Variants in SLC14A2 observed in about 807,000 individuals in gnomAD.
SLC14A2 encodes urea transporter 2.
Under a neutral mutation model 104.6 loss-of-function variants are expected in SLC14A2, and 91 were observed. The ratio of observed to expected loss-of-function variants is 0.87; its 90% CI spans 0.73 to 1.04. The LOEUF is 1.04. Among genes scored for constraint, SLC14A2 ranks in the 50% least tolerant of loss-of-function variants. SLC14A2 has a pLI of 0.00. For missense variants in SLC14A2, 1,189 were observed against 1,156.0 expected (o/e 1.03, Z -0.41); for synonymous variants, 476 against 466.4 (o/e 1.02, Z -0.27).
chr18:45,542,985 G>C (rs1473535050), intron 2 of SLC14A2, among the ~76,000 whole-genome samples: 2 of 151,802 alleles, frequency 1.3e-5, no homozygotes, highest in Non-Finnish European at 2.9e-5. Flanking sequence ...GTCTCACCTC[G>C]TTGCCCAGGC....
chr18:45,259,447 A>C (rs2084513454), intron 1 of SLC14A2, among the ~76,000 whole-genome samples: 1 of 152,236 alleles, frequency 6.6e-6, no homozygotes, highest in Non-Finnish European at 1.5e-5. Flanking sequence ...CATTTCACAT[A>C]AATGGCACCA....
At chr18:45,642,994 G>T in intron 8 of SLC14A2, 138 bp from the exon 9 acceptor site, 1 of 713,510 alleles carries the variant, frequency 1.4e-6, no homozygotes, top group East Asian at 2.6e-5. Flanking sequence ...CCAGCTGTCA[G>T]GGCATGGTGC....
chr18:45,628,014 AAAAAAAG>A (rs1391864944), intron 4 of SLC14A2, among the ~76,000 whole-genome samples: 7 of 151,384 alleles, frequency 4.6e-5, no homozygotes, highest in Admixed American at 1.3e-4. Flanking sequence ...AAAAAAAAAA[AAAAAAAG>A]AAAAGAAAAA....
chr18:45,601,592 C>T (rs2044792211), intron 2 of SLC14A2, among the ~76,000 whole-genome samples: 1 of 152,222 alleles, frequency 6.6e-6, no homozygotes, highest in Non-Finnish European at 1.5e-5. Context: ...GTTTTTCTTT[C>T]CCCTCTATCT....
chr18:45,355,170 C>T (rs896664858), intron 1 of SLC14A2, among the ~76,000 whole-genome samples: 23 of 152,064 alleles, frequency 1.5e-4, no homozygotes, highest in African/African-American at 5.6e-4. Flanking sequence ...CATAATTGAC[C>T]TTTCGCAAGG....
intron 2 of SLC14A2, among the ~76,000 whole-genome samples, chr18:45,561,368 G>T (rs2044199160): frequency 6.6e-6 from 1 of 152,172 alleles, no homozygotes; most frequent in Non-Finnish European, 1.5e-5. Flanking sequence ...GAAGCTCTCT[G>T]CAAGAGAGTG....
chr18:45,196,688 A>C, the SLC14A2 span, among the ~76,000 whole-genome samples: 1 of 152,208 alleles, frequency 6.6e-6, no homozygotes, highest in Non-Finnish European at 1.5e-5. Flanking sequence ...AGCCCAAGCC[A>C]GAAGAGTGAA....
the SLC14A2 span, among the ~76,000 whole-genome samples, chr18:45,189,894 C>T: frequency 1.3e-5 from 2 of 152,066 alleles, no homozygotes; most frequent in Non-Finnish European, 2.9e-5. Flanking sequence ...GCAGTCCCAT[C>T]CTAGTTTACA....
intron 1 of SLC14A2, among the ~76,000 whole-genome samples, chr18:45,285,898 A>G (rs1405397600): frequency 6.6e-6 from 1 of 152,092 alleles, no homozygotes; most frequent in East Asian, 1.9e-4. Flanking sequence ...GCTTCCCATT[A>G]TAGTCACCTG....
chr18:45,403,759 G>GATGAATGAATGAATGAATGAATGAATGA (rs57905800), intron 1 of SLC14A2, among the ~76,000 whole-genome samples: 2 of 135,096 alleles, frequency 1.5e-5, no homozygotes, highest in Non-Finnish European at 3.1e-5. Flanking sequence ...TTTAATCAGT[G>GATGAATGAATGAATGAATGAATGAATGA]ATGAATGAAT....
intron 2 of SLC14A2, among the ~76,000 whole-genome samples, chr18:45,534,246 C>G (rs1030399473): frequency 2.6e-5 from 4 of 152,042 alleles, no homozygotes; most frequent in Non-Finnish European, 5.9e-5. Context: ...CATTTCCTTA[C>G]AAGCCTTCAC....
intron 10 of SLC14A2, among the ~76,000 whole-genome samples, chr18:45,660,970 G>A (rs2045926873): frequency 6.6e-6 from 1 of 152,330 alleles, no homozygotes; most frequent in Admixed American, 6.5e-5. Context: ...CACATCGTGA[G>A]GAGCTGCTGC....
the SLC14A2 span, among the ~76,000 whole-genome samples, chr18:45,172,731 C>T: frequency 6.6e-6 from 1 of 152,104 alleles, no homozygotes; most frequent in African/African-American, 2.4e-5. Flanking sequence ...ACGACAAAAT[C>T]CTACTTCTGT....
intron 1 of SLC14A2, among the ~76,000 whole-genome samples, chr18:45,445,104 T>C (rs1046234739): frequency 2.2e-5 from 3 of 135,070 alleles, no homozygotes; most frequent in Non-Finnish European, 4.6e-5. Flanking sequence ...CAAATTGACA[T>C]GCTTTTTTTT....
At chr18:45,635,764 A>G (rs1225195299) in intron 5 of SLC14A2, among the ~76,000 whole-genome samples, 5 of 152,238 alleles carry the variant, frequency 3.3e-5, no homozygotes, top group Admixed American at 3.3e-4. Flanking sequence ...AGAGCATGTT[A>G]TATCCTGATG....
At chr18:45,515,977 G>A (rs1174827517) in intron 2 of SLC14A2, among the ~76,000 whole-genome samples, 1 of 152,202 alleles carries the variant, frequency 6.6e-6, no homozygotes, top group Admixed American at 6.5e-5. Flanking sequence ...AACTCAAGTT[G>A]ATAGTGTGAA....
intron 1 of SLC14A2, among the ~76,000 whole-genome samples, chr18:45,421,985 A>G (rs2086355264): frequency 6.6e-6 from 1 of 152,228 alleles, no homozygotes; most frequent in Non-Finnish European, 1.5e-5. Flanking sequence ...AGGAGGTTAT[A>G]CCACAGAAAT....
intron 2 of SLC14A2, among the ~76,000 whole-genome samples, chr18:45,537,016 C>T (rs1327382316): frequency 8.1e-6 from 1 of 122,982 alleles, no homozygotes; most frequent in African/African-American, 3.2e-5. Flanking sequence ...TCGTCCCCCT[C>T]TCTCCCCTCC....
rs116149032 is a variant in SLC14A2, at chr18:45,466,114, C to T, written c.-124-17119C>T. Among the ~76,000 whole-genome samples the T allele has an allele frequency of 4.0e-3, 611 of 152,112 alleles. 5 individuals are homozygous for T. Among genetic ancestry groups the T allele is most frequent in the African/African-American group, 0.014 (581 of 41,500 alleles). ...GAGGATTATTATCCCCAATTTGCAA[C>T]GAGCCCTGCAGCCTGATTCTATGTG... is the stretch of plus-strand genomic sequence containing the variant. On this transcript the variant is annotated intron_variant, in intron 1 of 20. Transcript: ENST00000586448.
Sources: allele counts gnomAD v4.1 joint callset (sites outside exome capture counted in the v4.1 genomes callset), GRCh38; gene constraint gnomAD v4.1.1; transcripts MANE v1.5; gene names NCBI Gene and HGNC (gene_info 2026-07-23, HGNC 2026-07-21).